ZNF331: variants seen among roughly 807,000 people sequenced by gnomAD.
The protein encoded by ZNF331 is zinc finger protein 331.
A neutral mutation model predicts 7.0 loss-of-function variants in ZNF331; 2 were observed. The observed-to-expected ratio is 0.29, with a 90% confidence interval of 0.12 to 0.90. The LOEUF is 0.90. ZNF331 is among the 40% of genes least tolerant of loss of function. ZNF331 has a pLI of 0.58. For synonymous variants in ZNF331, 196 were observed against 205.4 expected (o/e 0.95, Z 0.39); for missense variants, 432 against 587.7 (o/e 0.74, Z 2.74).
intron 3 of ZNF331, among the ~76,000 whole-genome samples, chr19:53,557,619 A>G (rs1200932876): frequency 6.6e-6 from 1 of 152,126 alleles, no homozygotes; most frequent in Non-Finnish European, 1.5e-5. Flanking sequence ...GTGTGTACAA[A>G]ACCAACTCAT....
intron 2 of ZNF331, among the ~76,000 whole-genome samples, chr19:53,530,276 AGG>A (rs879381135): frequency 0.28 from 37,288 of 134,992 alleles, 6,104 homozygotes; most frequent in African/African-American, 0.43. Context: ...ACCTCCCACC[AGG>A]CCGCACCTCC....
upstream of ZNF331, among the ~76,000 whole-genome samples, chr19:53,518,766 C>T (rs1427358446): frequency 6.6e-6 from 1 of 152,164 alleles, no homozygotes; most frequent in Non-Finnish European, 1.5e-5. Context: ...TAACAAAACC[C>T]TTGGTCAGGG....
At chr19:53,504,363 C>T in the ZNF331 span, 1 of 180,358 alleles carries the variant, frequency 5.5e-6, no homozygotes, top group Admixed American at 5.5e-5. Context: ...TCATTGATCT[C>T]TAGAGACCCA....
At chr19:53,536,873 A>G (rs2087775575), upstream of ZNF331, among the ~76,000 whole-genome samples, 1 of 152,226 alleles carries the variant, frequency 6.6e-6, no homozygotes, top group Admixed American at 6.5e-5. Flanking sequence ...ATTGCACTTG[A>G]GCCTGGGCAA....
chr19:53,548,255 G>A (rs865785414), intron 2 of ZNF331, among the ~76,000 whole-genome samples: 23 of 151,806 alleles, frequency 1.5e-4, no homozygotes, highest in African/African-American at 4.3e-4. Context: ...TTACAGGCGC[G>A]TGCCACCACG....
At chr19:53,530,368 C>G (rs1216839330) in intron 2 of ZNF331, among the ~76,000 whole-genome samples, 2 of 126,422 alleles carry the variant, frequency 1.6e-5, no homozygotes, top group Non-Finnish European at 3.4e-5. Flanking sequence ...CACCAGGCCC[C>G]ACCTCCAGCA....
chr19:53,520,678 C>T (rs1049029012), upstream of ZNF331, among the ~76,000 whole-genome samples: 6 of 152,246 alleles, frequency 3.9e-5, no homozygotes, highest in Admixed American at 6.5e-5. Flanking sequence ...TGAGCATTTC[C>T]CAGAGGTCTC....
In ZNF331 at chr19:53,569,127, A is replaced by AT. The variant is rs376220574; in HGVS notation, c.-73-175dup. Among the ~76,000 whole-genome samples, 89 of 152,202 alleles carry AT rather than the reference A, an allele frequency of 5.8e-4. No homozygotes were observed. The South Asian group carries it at 0.017, about 30-fold the overall frequency. On this transcript the variant is annotated intron_variant, in intron 3 of 5. Coordinates refer to ENST00000449416, the MANE Select transcript of ZNF331 (RefSeq NM_001079906.2). The stretch of plus-strand genomic sequence containing the variant: ...CACCTCGGCCTCCCAAAGTGCTGGG[A>AT]TTACAGGCGTGAGCCACCGCACCTG...
At position 53,580,222 on chromosome 19, in the gene ZNF331, C is replaced by A. The variant is rs2090873088; in HGVS notation, c.*2270C>A. 1 of 186,962 alleles carries A rather than the reference C, an allele frequency of 5.3e-6. No individual in the cohort carries two copies. The highest frequency in any genetic ancestry group is 2.3e-5 in the African/African-American group (1 of 42,730). The allele number at this position is 186,962 out of a possible 1,614,324, so 11.6% of individuals were successfully genotyped here. ...CACATTGTACTCCATCAATATAATACAATTATTATTTGTCAATCAAATATT... is the reference window on the plus strand; with the variant it reads ...CACATTGTACTCCATCAATATAATAAAATTATTATTTGTCAATCAAATATT... On this transcript the variant is annotated 3_prime_UTR_variant, in exon 6 of 6. Coordinates refer to ENST00000449416, the MANE Select transcript of ZNF331 (RefSeq NM_001079906.2).
rs1339239080 is a variant in ZNF331 at position 53,539,256 on chromosome 19, G to A, written c.-164G>A. The A allele has an allele frequency of 1.3e-5, 2 of 151,940 alleles. No individual in the cohort carries two copies. Among genetic ancestry groups the A allele is most frequent in the Non-Finnish European group, 2.9e-5 (2 of 68,030 alleles). 9.4% of individuals were successfully genotyped at this position (151,940 alleles called of 1,614,324 possible). ...AAAAAGCATCCCCGAGGAGGAAGAC[G>A]AATCGTTAAACATCTGAAAGGGTCA... On this transcript the variant is annotated 5_prime_UTR_variant, in exon 2 of 6. Transcript: ENST00000449416. The surrounding 1 kb of genome is among the most constrained non-coding windows in gnomAD (Gnocchi z 6.1).
chr19:53,561,017 G>T (rs1432129784), intron 3 of ZNF331, among the ~76,000 whole-genome samples: 1 of 152,094 alleles, frequency 6.6e-6, no homozygotes, highest in Non-Finnish European at 1.5e-5. Flanking sequence ...AGTTAGCCAG[G>T]CGTGGTAATG....
intron 3 of ZNF331, among the ~76,000 whole-genome samples, chr19:53,568,022 G>A (rs1056461174): frequency 2.0e-5 from 3 of 152,060 alleles, no homozygotes; most frequent in Non-Finnish European, 4.4e-5. Flanking sequence ...AGGACAAGGA[G>A]GGCAGATCAC....
upstream of ZNF331, among the ~76,000 whole-genome samples, chr19:53,520,172 C>G (rs2087013036): frequency 2.0e-5 from 3 of 151,898 alleles, no homozygotes. Flanking sequence ...CTCAGCCTCC[C>G]AAGTAGCTGG....
chr19:53,518,062 G>C (rs1164068919), upstream of ZNF331, among the ~76,000 whole-genome samples: 4 of 152,218 alleles, frequency 2.6e-5, no homozygotes, highest in African/African-American at 9.6e-5. Flanking sequence ...TGATGTTTGA[G>C]TCAGTGGATG....
intron 5 of ZNF331, among the ~76,000 whole-genome samples, chr19:53,574,761 G>A (rs2090624035): frequency 1.3e-5 from 2 of 152,046 alleles, no homozygotes; most frequent in Admixed American, 6.6e-5. Flanking sequence ...ATCACACTGG[G>A]GGCTCAAATG....
chr19:53,566,859 T>C (rs2090181826), intron 3 of ZNF331, among the ~76,000 whole-genome samples: 1 of 152,170 alleles, frequency 6.6e-6, no homozygotes, highest in Admixed American at 6.6e-5. Context: ...ATCTCTATTT[T>C]ATTTATTTTT....
rs147610030 is a variant in ZNF331 at position 53,576,777 on chromosome 19, G to A, written c.217G>A (p.Asp73Asn). The A allele has an allele frequency of 1.0e-4, 169 of 1,614,152 alleles. No individual in the cohort carries two copies. In the African/African-American group the frequency reaches 1.8e-3, roughly 17 times the overall value. The change falls in exon 6 of 6, where the codon GAT (aspartate) becomes AAT (asparagine). Residue 73 changes from aspartate (D) to asparagine (N), a missense_variant. By Grantham distance (23) the Asp-to-Asn change is conservative. Transcript: ENST00000449416. ...AATAAGGGCTTCCAAAAGGAATTCAGATAGAAGAAGTAAATCCCTTGGCCG... is the reference window on the plus strand; with the variant it reads ...AATAAGGGCTTCCAAAAGGAATTCAAATAGAAGAAGTAAATCCCTTGGCCG... ...HEIRASKRNS[D>N]RRSKSLGRNW...
intron 4 of ZNF331, among the ~76,000 whole-genome samples, chr19:53,570,927 G>A (rs2090417120): frequency 6.9e-6 from 1 of 145,424 alleles, no homozygotes; most frequent in African/African-American, 2.6e-5. Flanking sequence ...CACAATCTCC[G>A]CTCACTGCAA....
Position 53,556,585 on chromosome 19 carries a change from A to G in ZNF331, c.-74+677A>G, listed in dbSNP as rs560419684. ...AGCTTTCCTCCCACCTTGGCCTCAA[A>G]AAGTGCTTGGATTACAGATGTGAGC... On this transcript the variant is annotated intron_variant, in intron 3 of 5. Transcript: ENST00000449416. Among the ~76,000 whole-genome samples, 10 of 151,804 alleles carry G rather than the reference A, an allele frequency of 6.6e-5. No homozygotes were observed. The East Asian group carries it at 2.0e-3, about 30-fold the overall frequency.
Sources: gnomAD v4.1 joint callset for allele counts (sites outside exome capture counted in the v4.1 genomes callset) on GRCh38, gnomAD v4.1.1 for gene constraint, Gnocchi (gnomAD v3.1) non-coding constraint, MANE v1.5 for transcripts, NCBI Gene and HGNC (gene_info 2026-07-23, HGNC 2026-07-21) for gene names.